The following MAML2 variants were observed in gnomAD, a reference collection of about 807,000 sequenced individuals.
MAML2 encodes mastermind-like protein 2.
MAML2 carries 22 observed loss-of-function variants against 96.1 expected under a neutral mutation model. The ratio of observed to expected loss-of-function variants is 0.23; its 90% confidence interval spans 0.16 to 0.33. The LOEUF (loss-of-function observed/expected upper bound fraction) is 0.33, where lower values mean the gene tolerates loss of function less well. MAML2 is among the 10% of genes least tolerant of loss of function. The pLI is 1.00. For synonymous variants in MAML2, 561 were observed against 521.3 expected (o/e 1.08, Z -1.04); for missense variants, 1,367 against 1,392.4 (o/e 0.98, Z 0.29).
intron 1 of MAML2, among the ~76,000 whole-genome samples, chr11:96,208,294 G>A (rs897161551): frequency 3.3e-5 from 5 of 152,080 alleles, no homozygotes; most frequent in African/African-American, 1.2e-4. Flanking sequence ...ACTTGACAGG[G>A]CACCTGCTTT....
intron 1 of MAML2, among the ~76,000 whole-genome samples, chr11:96,173,450 C>T (rs1322621694): frequency 6.6e-6 from 1 of 152,116 alleles, no homozygotes; most frequent in Non-Finnish European, 1.5e-5. Context: ...AAATCGGGTC[C>T]ATCCTGGAAA....
At chr11:95,990,875 G>A (rs1223275255) in intron 3 of MAML2, among the ~76,000 whole-genome samples, 2 of 152,074 alleles carry the variant, frequency 1.3e-5, no homozygotes, top group Admixed American at 6.5e-5. Context: ...ACTGAAGGAG[G>A]GTTAATGCAT....
chr11:96,057,179 T>C (rs1239518717), intron 2 of MAML2, among the ~76,000 whole-genome samples: 1 of 152,210 alleles, frequency 6.6e-6, no homozygotes, highest in Non-Finnish European at 1.5e-5. Context: ...ATGAGTGCCA[T>C]GGATGCCAGG....
chr11:96,132,775 A>G (rs1860567422), intron 1 of MAML2, among the ~76,000 whole-genome samples: 1 of 152,196 alleles, frequency 6.6e-6, no homozygotes, highest in Admixed American at 6.5e-5. Context: ...GAAAGGATTA[A>G]TTCATCAGTG....
chr11:96,134,507 C>T (rs557239455), intron 1 of MAML2, among the ~76,000 whole-genome samples: 2 of 152,326 alleles, frequency 1.3e-5, no homozygotes, highest in Admixed American at 6.5e-5. Context: ...GAAGATCATG[C>T]TTCCCATATA....
intron 1 of MAML2, among the ~76,000 whole-genome samples, chr11:96,319,861 T>A (rs946683364): frequency 1.3e-5 from 2 of 152,222 alleles, no homozygotes; most frequent in African/African-American, 2.4e-5. Flanking sequence ...CGATAATTTT[T>A]TATTGCAACA....
chr11:96,185,764 C>T (rs780214756), intron 1 of MAML2, among the ~76,000 whole-genome samples: 3 of 152,174 alleles, frequency 2.0e-5, no homozygotes, highest in Non-Finnish European at 2.9e-5. Flanking sequence ...GCTTTAGAAC[C>T]TTGTGTATGC....
chr11:96,140,985 AAATTTG>A (rs1339824457), intron 1 of MAML2, among the ~76,000 whole-genome samples: 4 of 152,210 alleles, frequency 2.6e-5, no homozygotes, highest in Non-Finnish European at 5.9e-5. Flanking sequence ...ATGCCTAGTT[AAATTTG>A]AATTTCAGAC....
intron 1 of MAML2, among the ~76,000 whole-genome samples, chr11:96,211,123 T>C (rs1861965011): frequency 6.6e-6 from 1 of 152,148 alleles, no homozygotes; most frequent in Admixed American, 6.5e-5. Flanking sequence ...TGGATTAAAG[T>C]TAAATAAACT....
chr11:96,067,352 C>G (rs917005508), intron 2 of MAML2, among the ~76,000 whole-genome samples: 2 of 152,224 alleles, frequency 1.3e-5, no homozygotes, highest in East Asian at 1.9e-4. Context: ...ATGCCTTCTT[C>G]CGCCAACAGA....
chr11:96,183,565 AT>A (rs34011797), intron 1 of MAML2, among the ~76,000 whole-genome samples: 27,312 of 144,252 alleles, frequency 0.19, 2,714 homozygotes, highest in African/African-American at 0.27. Context: ...ACCCAGCTAG[AT>A]TTTTTTTTTT....
At chr11:96,121,027 G>A (rs1341820962) in intron 1 of MAML2, among the ~76,000 whole-genome samples, 1 of 152,160 alleles carries the variant, frequency 6.6e-6, no homozygotes, top group Non-Finnish European at 1.5e-5. Context: ...AGTCCCTTGG[G>A]AGGTAGCCAG....
chr11:96,103,282 T>G (rs750572419), intron 1 of MAML2, among the ~76,000 whole-genome samples: 4 of 152,180 alleles, frequency 2.6e-5, no homozygotes, highest in Non-Finnish European at 4.4e-5. Context: ...AAGTGCTCAA[T>G]GACTGCCTGA....
chr11:96,200,426 C>T (rs901755975), intron 1 of MAML2, among the ~76,000 whole-genome samples: 1 of 152,188 alleles, frequency 6.6e-6, no homozygotes, highest in Non-Finnish European at 1.5e-5. Context: ...AGTGAGACTT[C>T]ATTCTTTTTC....
At position 96,241,512 on chromosome 11, in the gene MAML2, C is replaced by T. The variant is rs904646641; in HGVS notation, c.513+99871G>A. Among the ~76,000 whole-genome samples the T allele has an allele frequency of 3.3e-5, 5 of 152,102 alleles. No homozygotes were observed. In the South Asian group the frequency reaches 6.2e-4, roughly 19 times the overall value. On this transcript the variant is annotated intron_variant, in intron 1 of 4. Coordinates refer to ENST00000524717, the MANE Select transcript of MAML2 (RefSeq NM_032427.4). ...TCTACTGGCACCTAGTGGGTAGAGG[C>T]CAGAGATGCTGGTAAATATCTTATA... is the stretch of plus-strand genomic sequence containing the variant.
At chr11:96,333,420 T>C (rs1189423681) in intron 1 of MAML2, among the ~76,000 whole-genome samples, 1 of 152,148 alleles carries the variant, frequency 6.6e-6, no homozygotes, top group Non-Finnish European at 1.5e-5. Flanking sequence ...AAATCCATCC[T>C]TGCCCAAATA....
chr11:95,991,613 A>G lies in MAML2; in HGVS notation c.2250T>C (p.Asn750=). 2.5e-6 allele frequency: 4 copies of G among 1,613,756 alleles called. No homozygotes were observed. The highest frequency in any genetic ancestry group is 3.4e-6 in the Non-Finnish European group (4 of 1,179,724). The change falls in exon 3 of 5, where the codon AAT becomes AAC. Residue 750 remains asparagine (N), a synonymous_variant. Transcript: ENST00000524717. ...TCTGCTTCTTTCCCATCAATTGCTGATTCAACAGTGATTGCTGGGAGTTCA... is the reference window on the plus strand; with the variant it reads ...TCTGCTTCTTTCCCATCAATTGCTGGTTCAACAGTGATTGCTGGGAGTTCA... ...GYMNSQQSLL[N]QQLMGKKQTL...
intron 1 of MAML2, among the ~76,000 whole-genome samples, chr11:96,243,671 T>TTGG (rs1862470142): frequency 6.6e-6 from 1 of 151,040 alleles, no homozygotes; most frequent in Non-Finnish European, 1.5e-5. Flanking sequence ...TTTTTTTTTT[T>TTGG]GAGACGGAGT....
intron 1 of MAML2, among the ~76,000 whole-genome samples, chr11:96,171,051 G>A (rs907071112): frequency 5.9e-5 from 9 of 151,874 alleles, no homozygotes; most frequent in Admixed American, 5.3e-4. Flanking sequence ...TGGTTGAGGA[G>A]GTGCAGACTA....
Sources: gnomAD v4.1 joint callset for allele counts (sites outside exome capture counted in the v4.1 genomes callset) on GRCh38, gnomAD v4.1.1 for gene constraint, MANE v1.5 for transcripts, NCBI Gene and HGNC (gene_info 2026-07-23, HGNC 2026-07-21) for gene names.